Variants in TTC9C observed in about 807,000 individuals in gnomAD.
TTC9C encodes tetratricopeptide repeat protein 9C.
Under a neutral mutation model 22.5 loss-of-function variants are expected in TTC9C, and 15 were observed. That is an observed-to-expected ratio of 0.67 (90% CI 0.45 to 1.03). The LOEUF (loss-of-function observed/expected upper bound fraction) is 1.03, where lower values mean the gene tolerates loss of function less well. Ranked by LOEUF, TTC9C falls within the 50% of genes least tolerant of loss-of-function variation. The probability of loss-of-function intolerance (pLI) is 0.00; values close to 1 mark genes in which losing one functional copy is unlikely to be tolerated. For synonymous variants in TTC9C, 92 were observed against 86.8 expected, an observed-to-expected ratio of 1.06 and a Z score of -0.33; for missense variants, 244 against 214.6, an observed-to-expected ratio of 1.14 and a Z score of -0.86.
intron 1 of TTC9C, chr11:62,733,157 G>A: frequency 2.3e-6 from 3 of 1,288,520 alleles, no homozygotes; most frequent in Non-Finnish European, 3.0e-6. Context: ...ATCATAAAAA[G>A]GCAGAACATT....
intron 1 of TTC9C, among the ~76,000 whole-genome samples, chr11:62,729,609 C>T (rs1260813587): frequency 3.7e-5 from 5 of 134,670 alleles, no homozygotes; most frequent in African/African-American, 1.4e-4. Flanking sequence ...GAGTTTCGCT[C>T]TTGTTGCCCA....
At chr11:62,734,863 C>T (rs2083892378) in intron 1 of TTC9C, among the ~76,000 whole-genome samples, 1 of 152,180 alleles carries the variant, frequency 6.6e-6, no homozygotes, top group Admixed American at 6.5e-5. Context: ...AGCAGAAAAT[C>T]AGTAAATATT....
chr11:62,731,249 G>C lies in TTC9C; in HGVS notation c.238+2163G>C, dbSNP rs2083845769. Among the ~76,000 whole-genome samples the C allele has an allele frequency of 4.6e-5, 7 of 152,220 alleles. No individual in the cohort carries two copies. The South Asian group carries it at 1.5e-3, about 32-fold the overall frequency. On this transcript the variant is annotated intron_variant, in intron 1 of 2. Transcript: ENST00000316461. ...ACATTTCCACCTTCACACTTTTGTA[G>C]GCTGTCTTTCCAGCTAGAATGCCCT...
At chr11:62,728,167 C>G (rs544573), upstream of TTC9C, 3,938 of 242,000 alleles carry the variant, frequency 0.016, 161 homozygotes, top group African/African-American at 0.084. Flanking sequence ...AAACTGTACG[C>G]ATCTCTGACC....
intron 1 of TTC9C, chr11:62,732,989 TGAC>T: frequency 4.3e-6 from 1 of 233,524 alleles, no homozygotes; most frequent in Non-Finnish European, 7.8e-6. Flanking sequence ...TTTTTTTTTT[TGAC>T]CACTTGGTGG....
intron 1 of TTC9C, 53 bp downstream of exon 1, chr11:62,729,139 A>G (rs2083810966): frequency 1.4e-6 from 2 of 1,478,326 alleles, no homozygotes; most frequent in South Asian, 1.2e-5. Context: ...GAACATGAAC[A>G]TCTGTGAACA....
At chr11:62,735,789 G>T in intron 2 of TTC9C, 1 of 628,904 alleles carries the variant, frequency 1.6e-6, no homozygotes. Context: ...TGTGTAGGGG[G>T]TTGATGCTTA....
At chr11:62,731,989 CTTTTT>C (rs58705402) in intron 1 of TTC9C, among the ~76,000 whole-genome samples, 1 of 63,216 alleles carries the variant, frequency 1.6e-5, no homozygotes, top group Non-Finnish European at 2.9e-5. Flanking sequence ...CTGGTCAGCA[CTTTTT>C]TTTTTTTTTT....
At chr11:62,735,773 G>A in intron 2 of TTC9C, 4 of 831,892 alleles carry the variant, frequency 4.8e-6, no homozygotes, top group Non-Finnish European at 6.8e-6. Context: ...AGTATTATTA[G>A]TTTCATGTGT....
chr11:62,737,352 C>G (rs896943780), intron 2 of TTC9C, among the ~76,000 whole-genome samples: 14 of 152,260 alleles, frequency 9.2e-5, no homozygotes, highest in East Asian at 1.9e-4. Flanking sequence ...CAGCTAACCC[C>G]AGGTATGACC....
rs1300822703 is a variant in TTC9C at position 62,728,581 on chromosome 11, G to A, written c.-268G>A. 3.4e-6 allele frequency: 2 copies of A among 580,824 alleles called. No homozygotes were observed. Among genetic ancestry groups the A allele is most frequent in the South Asian group, 3.0e-5 (2 of 65,670 alleles). 36.0% of individuals were successfully genotyped at this position (580,824 alleles called of 1,614,324 possible). The stretch of plus-strand genomic sequence containing the variant: ...CATCCACCCCCACATCGCCTCTTTA[G>A]GAAGTCACTTAATGTTGGGCTTCAT... On this transcript the variant is annotated 5_prime_UTR_variant, in exon 1 of 3. Coordinates refer to ENST00000316461, the MANE Select transcript of TTC9C (RefSeq NM_173810.4).
At chr11:62,729,314 C>T (rs2134799322) in intron 1 of TTC9C, among the ~76,000 whole-genome samples, 1 of 152,202 alleles carries the variant, frequency 6.6e-6, no homozygotes, top group East Asian at 1.9e-4. Flanking sequence ...TCCTCGGCCC[C>T]ATCCCCAGAG....
At chr11:62,731,212 A>C (rs565550497) in intron 1 of TTC9C, among the ~76,000 whole-genome samples, 1 of 150,742 alleles carries the variant, frequency 6.6e-6, no homozygotes, top group South Asian at 2.1e-4. Context: ...TTATACACTT[A>C]ATGTCCAAAG....
chr11:62,728,469 A>G, upstream of TTC9C: 2 of 470,648 alleles, frequency 4.2e-6, no homozygotes, highest in Non-Finnish European at 8.4e-6. Flanking sequence ...GGCGGGTCCA[A>G]TAGAAAGGCG....
At chr11:62,735,590 TA>T (rs556190780) in intron 2 of TTC9C, 26 bp downstream of exon 2, 128 of 1,577,224 alleles carry the variant, frequency 8.1e-5, no homozygotes, top group Non-Finnish European at 1.1e-4. Flanking sequence ...TTTGAAATGG[TA>T]AAGACAAAAT....
chr11:62,738,229 A>G (rs2083933243), intron 2 of TTC9C, 59 bp from the exon 3 acceptor site: 1 of 1,053,880 alleles, frequency 9.5e-7, no homozygotes, highest in East Asian at 2.5e-5. Flanking sequence ...GCCACAAGGT[A>G]TGATTATGGT....
At chr11:62,733,031 G>A in intron 1 of TTC9C, 2 of 656,690 alleles carry the variant, frequency 3.0e-6, no homozygotes, top group Non-Finnish European at 4.6e-6. Flanking sequence ...ACAGACATCA[G>A]CACAGGCCCT....
intron 2 of TTC9C, among the ~76,000 whole-genome samples, chr11:62,737,908 G>A (rs970737042): frequency 1.3e-5 from 2 of 152,158 alleles, no homozygotes; most frequent in Non-Finnish European, 2.9e-5. Context: ...GTGCATGCCT[G>A]TAATCTCAGC....
chr11:62,732,019 C>T (rs2083856701), intron 1 of TTC9C, among the ~76,000 whole-genome samples: 1 of 111,088 alleles, frequency 9.0e-6, no homozygotes, highest in Non-Finnish European at 1.8e-5. Flanking sequence ...TTTTTTGAGA[C>T]CAAGTCTCAC....
Sources: gnomAD v4.1 joint callset for allele counts (sites outside exome capture counted in the v4.1 genomes callset) on GRCh38, gnomAD v4.1.1 for gene constraint, MANE v1.5 for transcripts, NCBI Gene and HGNC (gene_info 2026-07-23, HGNC 2026-07-21) for gene names.